SH3BGRL2: variants seen among roughly 807,000 people sequenced by gnomAD.
SH3BGRL2 encodes SH3 domain binding glutamate rich protein like 2.
Under a neutral mutation model 14.8 loss-of-function variants are expected in SH3BGRL2, and 21 were observed. The ratio of observed to expected loss-of-function variants is 1.42; its 90% CI spans 1.01 to 2.05. The LOEUF (loss-of-function observed/expected upper bound fraction) is 2.05, where lower values mean the gene tolerates loss of function less well. SH3BGRL2 is among the 30% of genes most tolerant of loss of function. The pLI is 0.00. For synonymous variants in SH3BGRL2, 50 were observed against 47.8 expected, an observed-to-expected ratio of 1.05 and a Z score of -0.19; for missense variants, 147 against 130.8, an observed-to-expected ratio of 1.12 and a Z score of -0.61.
In SH3BGRL2 at chr6:79,702,957, G is replaced by A. The variant is rs1489062882; in HGVS notation, c.*3448G>A. 1 of 152,366 alleles carries A rather than the reference G, an allele frequency of 6.6e-6. No individual in the cohort carries two copies. The highest frequency in any genetic ancestry group is 2.1e-4 in the South Asian group (1 of 4,824). The allele number at this position is 152,366 out of a possible 1,614,324, so 9.4% of individuals were successfully genotyped here. ...AGTATTTCTGAAGGCATTGTTTGAG[G>A]TTGATCTCAGCACTGAACGATTTCA... is the stretch of plus-strand genomic sequence containing the variant. On this transcript the variant is annotated 3_prime_UTR_variant, in exon 4 of 4. Coordinates refer to ENST00000369838, the MANE Select transcript of SH3BGRL2 (RefSeq NM_031469.4).
intron 2 of SH3BGRL2, among the ~76,000 whole-genome samples, chr6:79,685,222 G>T (rs551509439): frequency 6.6e-6 from 1 of 152,250 alleles, no homozygotes; most frequent in Admixed American, 6.5e-5. Context: ...ACAGTTTGAG[G>T]CCTCTCCAGT....
chr6:79,699,773 A>G lies in SH3BGRL2; in HGVS notation c.*264A>G, dbSNP rs1770416523. ...ACCTGGAAATACCGTCACCTGTTACAGGTGTACTTTCTTAATGACTGAAAG... is the reference window on the plus strand; with the variant it reads ...ACCTGGAAATACCGTCACCTGTTACGGGTGTACTTTCTTAATGACTGAAAG... On this transcript the variant is annotated 3_prime_UTR_variant, in exon 4 of 4. Coordinates refer to ENST00000369838, the MANE Select transcript of SH3BGRL2 (RefSeq NM_031469.4). 1 of 425,490 alleles carries G rather than the reference A, an allele frequency of 2.4e-6. No homozygotes were observed. Among genetic ancestry groups the G allele is most frequent in the Admixed American group, 4.0e-5 (1 of 25,212 alleles). 26.4% of individuals were successfully genotyped at this position (425,490 alleles called of 1,614,324 possible). A position where few individuals can be genotyped will look rare whatever the true frequency, so the allele number is the denominator to read the frequency against.
the SH3BGRL2 span, among the ~76,000 whole-genome samples, chr6:79,614,332 G>C: frequency 6.6e-5 from 10 of 152,132 alleles, no homozygotes; most frequent in African/African-American, 2.2e-4. Context: ...CCAAACCCAT[G>C]GAAGTGGACA....
chr6:79,659,915 T>C (rs897730389), intron 1 of SH3BGRL2, among the ~76,000 whole-genome samples: 6 of 42,380 alleles, frequency 1.4e-4, no homozygotes, highest in East Asian at 8.9e-4. Flanking sequence ...TAAATGGGAG[T>C]TCACTCGTGA....
chr6:79,622,312 A>C, the SH3BGRL2 span, among the ~76,000 whole-genome samples: 2 of 152,202 alleles, frequency 1.3e-5, no homozygotes, highest in East Asian at 1.9e-4. Flanking sequence ...TACAAAGACA[A>C]TTGTTACTCT....
the SH3BGRL2 span, among the ~76,000 whole-genome samples, chr6:79,595,901 A>G: frequency 2.0e-5 from 3 of 152,350 alleles, no homozygotes; most frequent in East Asian, 3.9e-4. Context: ...TGAAGATGAC[A>G]TAATCTTGTA....
the SH3BGRL2 span, among the ~76,000 whole-genome samples, chr6:79,540,702 C>T: frequency 6.6e-6 from 1 of 152,014 alleles, no homozygotes; most frequent in Non-Finnish European, 1.5e-5. Flanking sequence ...CAACATAATG[C>T]TGGTCATCGA....
chr6:79,633,002 T>C (rs1394709911), intron 1 of SH3BGRL2, among the ~76,000 whole-genome samples: 1 of 152,228 alleles, frequency 6.6e-6, no homozygotes, highest in Admixed American at 6.5e-5. Context: ...CTAGGCTACT[T>C]TGGAGCAAGT....
chr6:79,613,750 G>A, the SH3BGRL2 span, among the ~76,000 whole-genome samples: 1 of 151,986 alleles, frequency 6.6e-6, no homozygotes, highest in Non-Finnish European at 1.5e-5. Context: ...GGGATTACAG[G>A]TGCCCGCCAC....
intron 1 of SH3BGRL2, among the ~76,000 whole-genome samples, chr6:79,651,487 A>G (rs1011385945): frequency 2.0e-5 from 3 of 152,194 alleles, no homozygotes; most frequent in Non-Finnish European, 4.4e-5. Context: ...CTAACGTTTT[A>G]TTAAGGCTTT....
At chr6:79,666,833 G>A (rs1472841284) in intron 1 of SH3BGRL2, among the ~76,000 whole-genome samples, 1 of 152,198 alleles carries the variant, frequency 6.6e-6, no homozygotes, top group African/African-American at 2.4e-5. Context: ...AGAAAGCTGT[G>A]TGTTTGAAGT....
the SH3BGRL2 span, among the ~76,000 whole-genome samples, chr6:79,577,148 T>C: frequency 6.6e-6 from 1 of 152,206 alleles, no homozygotes; most frequent in Non-Finnish European, 1.5e-5. Flanking sequence ...AAAACTATCT[T>C]GTCCCACTGA....
chr6:79,663,688 T>C (rs1443388116), intron 1 of SH3BGRL2, among the ~76,000 whole-genome samples: 1 of 152,218 alleles, frequency 6.6e-6, no homozygotes, highest in Admixed American at 6.5e-5. Flanking sequence ...AGAGAACCAC[T>C]GCTCTCTTCA....
At chr6:79,570,897 G>A in the SH3BGRL2 span, among the ~76,000 whole-genome samples, 1 of 152,156 alleles carries the variant, frequency 6.6e-6, no homozygotes, top group Non-Finnish European at 1.5e-5. Context: ...AAGGAGATTA[G>A]CTTTAACGAA....
chr6:79,699,463 CTTTTTTTT>C (rs35728679), intron 3 of SH3BGRL2, 27 bp from the exon 4 acceptor site: 206 of 880,456 alleles, frequency 2.3e-4, no homozygotes, highest in East Asian at 6.8e-4. Flanking sequence ...CAATAACTGA[CTTTTTTTT>C]TTTTTTTTTT....
At chr6:79,673,119 C>T (rs531245416) in intron 1 of SH3BGRL2, among the ~76,000 whole-genome samples, 131 of 146,328 alleles carry the variant, frequency 9.0e-4, no homozygotes, top group African/African-American at 2.9e-3. Flanking sequence ...GCTTTTATGA[C>T]CATAGATGTC....
At chr6:79,552,033 T>C in the SH3BGRL2 span, among the ~76,000 whole-genome samples, 1 of 152,130 alleles carries the variant, frequency 6.6e-6, no homozygotes, top group Non-Finnish European at 1.5e-5. Context: ...GAAGTTGCAG[T>C]GAGCTGAGAT....
intron 1 of SH3BGRL2, among the ~76,000 whole-genome samples, chr6:79,637,493 C>T (rs1349612788): frequency 6.6e-6 from 1 of 151,872 alleles, no homozygotes; most frequent in South Asian, 2.1e-4. Flanking sequence ...GAGTTCGAGA[C>T]CAGCCTGGCC....
At chr6:79,645,684 G>A (rs75750081) in intron 1 of SH3BGRL2, among the ~76,000 whole-genome samples, 1,700 of 152,302 alleles carry the variant, frequency 0.011, 61 homozygotes, top group Admixed American at 0.074. Context: ...AAGAATGGGA[G>A]CCAGCAAGTT....
Sources: allele counts gnomAD v4.1 joint callset (sites outside exome capture counted in the v4.1 genomes callset), GRCh38; gene constraint gnomAD v4.1.1; transcripts MANE v1.5; gene names NCBI Gene and HGNC (gene_info 2026-07-23, HGNC 2026-07-21).